The following EXOSC7 variants were observed in gnomAD, a reference collection of about 807,000 sequenced individuals.
The protein encoded by EXOSC7 is exosome component 7, also known as exosome complex component RRP42.
Under a neutral mutation model 34.3 loss-of-function variants are expected in EXOSC7, and 25 were observed. The ratio of observed to expected loss-of-function variants is 0.73; its 90% CI spans 0.53 to 1.02. The LOEUF is 1.02. Ranked by LOEUF, EXOSC7 falls within the 50% of genes least tolerant of loss-of-function variation. EXOSC7 has a pLI of 0.00. For synonymous variants in EXOSC7, 130 were observed against 143.0 expected (o/e 0.91, Z 0.65); for missense variants, 370 against 368.5 (o/e 1.00, Z -0.03).
At chr3:44,978,334 G>C (rs1189624473) in intron 1 of EXOSC7, among the ~76,000 whole-genome samples, 1 of 152,074 alleles carries the variant, frequency 6.6e-6, no homozygotes, top group Admixed American at 6.5e-5. Context: ...AGAATTCCAG[G>C]GACTTGTAAT....
At chr3:44,998,284 C>G (rs1175122340) in intron 4 of EXOSC7, among the ~76,000 whole-genome samples, 1 of 152,070 alleles carries the variant, frequency 6.6e-6, no homozygotes, top group Non-Finnish European at 1.5e-5. Flanking sequence ...GATCCACCTG[C>G]CTCGGCCTCC....
In EXOSC7 at chr3:44,997,161, A is replaced by G; in HGVS notation, c.329A>G (p.Tyr110Cys). 2 of 1,613,992 alleles carry G rather than the reference A, an allele frequency of 1.2e-6. No homozygotes were observed. Among genetic ancestry groups the G allele is most frequent in the Admixed American group, 1.7e-5 (1 of 60,006 alleles). ...DLGTEIANTL[Y>C]RIFNNKSSVD... ...GGCACCGAGATCGCTAACACCCTCT[A>G]TCGGATATTTAACAATAAAAGCAGT... Residue 110 changes from tyrosine to cysteine, a missense_variant, in exon 4 of 8, where the codon TAT becomes TGT. Physicochemically the swap from Tyr to Cys is radical, Grantham distance 194 (BLOSUM62 -2). This residue lies in a region of EXOSC7 where 255 missense variants were observed against 246.4 expected (regional missense o/e 1.03). Coordinates refer to ENST00000265564, the MANE Select transcript of EXOSC7 (RefSeq NM_015004.4).
At chr3:45,012,346 C>T (rs2125976088), downstream of EXOSC7, 1 of 152,334 alleles carries the variant, frequency 6.6e-6, no homozygotes, top group Middle Eastern at 3.4e-3. Context: ...AGCTGAAGCC[C>T]TTGGGACTGC....
intron 6 of EXOSC7, among the ~76,000 whole-genome samples, chr3:45,006,572 G>A (rs1167375213): frequency 6.2e-4 from 92 of 148,854 alleles, no homozygotes; most frequent in African/African-American, 2.1e-3. Flanking sequence ...GCCCGCCACC[G>A]CGCCTGGCTA....
At chr3:44,995,015 A>C (rs544891414) in intron 3 of EXOSC7, among the ~76,000 whole-genome samples, 22 of 151,650 alleles carry the variant, frequency 1.5e-4, no homozygotes, top group African/African-American at 2.4e-5. Flanking sequence ...ACGGAGTTTC[A>C]CTCTTGTTGA....
intron 1 of EXOSC7, among the ~76,000 whole-genome samples, chr3:44,986,446 T>C (rs1211629952): frequency 6.6e-6 from 1 of 152,020 alleles, no homozygotes; most frequent in Non-Finnish European, 1.5e-5. Context: ...CCGCAAGCAC[T>C]GCCCGCAGCC....
chr3:45,010,714 A>T (rs529879123), intron 7 of EXOSC7, among the ~76,000 whole-genome samples: 2 of 152,318 alleles, frequency 1.3e-5, no homozygotes, highest in South Asian at 2.1e-4. Context: ...AACACCAAAG[A>T]TCCCATCCAG....
chr3:45,000,487 G>T (rs907635891), intron 4 of EXOSC7, among the ~76,000 whole-genome samples: 1 of 152,192 alleles, frequency 6.6e-6, no homozygotes, highest in African/African-American at 2.4e-5. Flanking sequence ...TCAGGCCAAG[G>T]CCTCTCTAAA....
chr3:45,006,259 G>C (rs2125973215), intron 6 of EXOSC7, among the ~76,000 whole-genome samples: 1 of 151,128 alleles, frequency 6.6e-6, no homozygotes, highest in Admixed American at 6.6e-5. Context: ...TGTATTTTTA[G>C]TAGAGACGGT....
chr3:45,005,079 C>A, intron 5 of EXOSC7: 1 of 537,678 alleles, frequency 1.9e-6, no homozygotes, highest in South Asian at 2.5e-5. Context: ...CTGATTGACC[C>A]AGCATCATTT....
At chr3:44,987,189 A>G (rs538871749) in intron 1 of EXOSC7, among the ~76,000 whole-genome samples, 2 of 152,180 alleles carry the variant, frequency 1.3e-5, no homozygotes, top group South Asian at 4.1e-4. Flanking sequence ...TTATTTGTGC[A>G]GAGAAAATAC....
chr3:44,995,882 T>C (rs1250884174), intron 3 of EXOSC7, among the ~76,000 whole-genome samples: 1 of 152,250 alleles, frequency 6.6e-6, no homozygotes, highest in East Asian at 1.9e-4. Context: ...GGCACTGCCA[T>C]GGGCGTTCAC....
Position 44,976,247 on chromosome 3 carries a change from T to G in EXOSC7, c.-31T>G, listed in dbSNP as rs1341453215. On this transcript the variant is annotated 5_prime_UTR_variant, in exon 1 of 8. It removes an upstream start codon present in the reference 5' UTR. Transcript: ENST00000265564. Reference sequence around the variant, plus strand: ...GTCCAGAGGAGGGGACGCGCGCAGATGACGTGCGGCTCGTGGGGCAGCTCG... The same window carrying G: ...GTCCAGAGGAGGGGACGCGCGCAGAGGACGTGCGGCTCGTGGGGCAGCTCG... The G allele has an allele frequency of 6.5e-7, 1 of 1,527,618 alleles. No homozygotes were observed. Among genetic ancestry groups the G allele is most frequent in the South Asian group, 1.2e-5 (1 of 80,506 alleles). 94.6% of individuals were successfully genotyped at this position (1,527,618 alleles called of 1,614,324 possible).
chr3:44,982,583 G>A (rs9827443), intron 1 of EXOSC7, among the ~76,000 whole-genome samples: 1,533 of 152,296 alleles, frequency 0.01, 28 homozygotes, highest in African/African-American at 0.032. Context: ...CTTTTCTGTG[G>A]ATCTTGCTTT....
At chr3:44,999,157 A>G (rs1157954627) in intron 4 of EXOSC7, among the ~76,000 whole-genome samples, 2 of 152,208 alleles carry the variant, frequency 1.3e-5, no homozygotes, top group East Asian at 3.9e-4. Flanking sequence ...AGCCTGTTCT[A>G]TTAGGGAAGG....
At chr3:45,004,409 C>T (rs1019863609) in intron 5 of EXOSC7, 1 of 152,210 alleles carries the variant, frequency 6.6e-6, no homozygotes, top group African/African-American at 2.4e-5. Context: ...GTGTGCACCA[C>T]CACACCCAGC....
At chr3:45,007,286 G>T (rs1707075277) in intron 6 of EXOSC7, 134 bp from the exon 7 acceptor site, 1 of 879,016 alleles carries the variant, frequency 1.1e-6, no homozygotes, top group Non-Finnish European at 1.7e-6. Context: ...CTCGTGAGCA[G>T]AATCTAAAAT....
chr3:44,995,995 C>T (rs950137606), intron 3 of EXOSC7, among the ~76,000 whole-genome samples: 1 of 152,196 alleles, frequency 6.6e-6, no homozygotes, highest in African/African-American at 2.4e-5. Context: ...AATTGACACT[C>T]CTGTGCCCCT....
chr3:45,009,500 A>G (rs1220548014), intron 7 of EXOSC7, among the ~76,000 whole-genome samples: 1 of 148,214 alleles, frequency 6.7e-6, no homozygotes, highest in East Asian at 1.9e-4. Flanking sequence ...CCTGTTTGAC[A>G]GATTCAGACT....
Sources: allele counts gnomAD v4.1 joint callset (sites outside exome capture counted in the v4.1 genomes callset), GRCh38; gene constraint gnomAD v4.1.1; regional missense constraint gnomAD v4.1.1; transcripts MANE v1.5; gene names NCBI Gene and HGNC (gene_info 2026-07-23, HGNC 2026-07-21).